The following SCHIP1 variants were observed in gnomAD, a reference collection of about 807,000 sequenced individuals.
SCHIP1 encodes the protein schwannomin interacting protein 1.
Under a neutral mutation model 29.7 loss-of-function variants are expected in SCHIP1, and 8 were observed. The ratio of observed to expected loss-of-function variants is 0.27; its 90% CI spans 0.16 to 0.49. SCHIP1 has a LOEUF of 0.49. SCHIP1 is among the 20% of genes least tolerant of loss of function. The probability of loss-of-function intolerance (pLI) is 0.99; values close to 1 mark genes in which losing one functional copy is unlikely to be tolerated. For synonymous variants in SCHIP1, 76 were observed against 94.9 expected (o/e 0.80, Z 1.16); for missense variants, 193 against 294.6 (o/e 0.66, Z 2.52).
chr3:159,888,293 C>T (rs1717154495), intron 4 of SCHIP1: 2 of 235,772 alleles, frequency 8.5e-6, no homozygotes, highest in East Asian at 1.1e-4. Flanking sequence ...AATAGGAGTC[C>T]TGGACTTTGG....
chr3:159,529,715 T>C, the SCHIP1 span, among the ~76,000 whole-genome samples: 1 of 152,240 alleles, frequency 6.6e-6, no homozygotes, highest in East Asian at 1.9e-4. Flanking sequence ...TTACTCCTTC[T>C]GACTGTATTT....
chr3:159,844,280 C>G (rs1298312531), intron 1 of SCHIP1, among the ~76,000 whole-genome samples: 1 of 152,168 alleles, frequency 6.6e-6, no homozygotes, highest in African/African-American at 2.4e-5. Flanking sequence ...AAGAGAGTTT[C>G]GCTGCTACCA....
At chr3:159,533,205 G>C in the SCHIP1 span, among the ~76,000 whole-genome samples, 2 of 152,142 alleles carry the variant, frequency 1.3e-5, no homozygotes. Context: ...GAGGAAGTCT[G>C]AGTTGAGACT....
the SCHIP1 span, among the ~76,000 whole-genome samples, chr3:159,717,774 G>A: frequency 1.3e-5 from 2 of 152,194 alleles, no homozygotes; most frequent in African/African-American, 2.4e-5. Flanking sequence ...GGACCAGATG[G>A]ATTCACAGCC....
At chr3:159,713,969 G>A in the SCHIP1 span, among the ~76,000 whole-genome samples, 2 of 152,220 alleles carry the variant, frequency 1.3e-5, no homozygotes, top group African/African-American at 4.8e-5. Flanking sequence ...AGGCACAGTG[G>A]CTCATGCCTG....
the SCHIP1 span, among the ~76,000 whole-genome samples, chr3:159,490,884 C>T: frequency 1.3e-5 from 2 of 152,184 alleles, no homozygotes; most frequent in Non-Finnish European, 1.5e-5. Context: ...TATGGCTCTA[C>T]ACCAAGAAGT....
At chr3:159,384,172 T>C in the SCHIP1 span, among the ~76,000 whole-genome samples, 1 of 149,426 alleles carries the variant, frequency 6.7e-6, no homozygotes, top group Admixed American at 6.7e-5. Context: ...AGAGAGGGCA[T>C]CCCTGTCTTG....
the SCHIP1 span, among the ~76,000 whole-genome samples, chr3:159,542,941 T>C: frequency 6.6e-6 from 1 of 152,034 alleles, no homozygotes; most frequent in Non-Finnish European, 1.5e-5. Flanking sequence ...GGGGATCTTT[T>C]CCAAATTCTT....
At chr3:159,864,508 CA>C (rs1714407784) in intron 1 of SCHIP1, among the ~76,000 whole-genome samples, 1 of 145,516 alleles carries the variant, frequency 6.9e-6, no homozygotes, top group Admixed American at 6.9e-5. Flanking sequence ...CACACACACA[CA>C]CACACATATG....
the SCHIP1 span, among the ~76,000 whole-genome samples, chr3:159,824,230 A>T: frequency 6.6e-6 from 1 of 152,200 alleles, no homozygotes. Flanking sequence ...AATTATTATT[A>T]TTCATGCCAA....
the SCHIP1 span, among the ~76,000 whole-genome samples, chr3:159,756,301 C>T: frequency 2.6e-5 from 4 of 152,228 alleles, no homozygotes. Flanking sequence ...GACATCTATG[C>T]ACTCACAGGC....
the SCHIP1 span, among the ~76,000 whole-genome samples, chr3:159,338,400 G>A: frequency 2.6e-5 from 4 of 152,140 alleles, no homozygotes; most frequent in Non-Finnish European, 4.4e-5. Flanking sequence ...GACCGTCTAC[G>A]TCATGAGTGA....
At chr3:159,388,752 G>T in the SCHIP1 span, among the ~76,000 whole-genome samples, 1 of 152,040 alleles carries the variant, frequency 6.6e-6, no homozygotes, top group Non-Finnish European at 1.5e-5. Context: ...GACTTCACAG[G>T]TTAACTCATA....
chr3:159,661,179 C>G, the SCHIP1 span, among the ~76,000 whole-genome samples: 1 of 152,136 alleles, frequency 6.6e-6, no homozygotes, highest in Admixed American at 6.5e-5. Context: ...ATCTAAGATT[C>G]CAGACTTTTA....
At chr3:159,274,455 C>T in the SCHIP1 span, 6 of 804,754 alleles carry the variant, frequency 7.5e-6, no homozygotes, top group Admixed American at 3.1e-4. Flanking sequence ...AAATAACAGA[C>T]AATTTTATAA....
At chr3:159,779,029 C>G in the SCHIP1 span, among the ~76,000 whole-genome samples, 1 of 152,168 alleles carries the variant, frequency 6.6e-6, no homozygotes, top group African/African-American at 2.4e-5. Flanking sequence ...TAGGAAACAA[C>G]TTTTCAGCTT....
chr3:159,641,368 G>A, the SCHIP1 span, among the ~76,000 whole-genome samples: 4 of 152,104 alleles, frequency 2.6e-5, no homozygotes, highest in African/African-American at 9.7e-5. Flanking sequence ...ACCTCTGTAT[G>A]AAATTTAATT....
At chr3:159,647,878 C>A in the SCHIP1 span, among the ~76,000 whole-genome samples, 1 of 152,138 alleles carries the variant, frequency 6.6e-6, no homozygotes, top group Non-Finnish European at 1.5e-5. Flanking sequence ...CTTTAAGAAG[C>A]TCCCTCCCAA....
At chr3:159,836,804 A>G (rs367766384), upstream of SCHIP1, among the ~76,000 whole-genome samples, 3 of 152,214 alleles carry the variant, frequency 2.0e-5, no homozygotes, top group East Asian at 5.8e-4. Flanking sequence ...AAGATAACAA[A>G]TGTTACTGCA....
Sources: gnomAD v4.1 joint callset for allele counts (sites outside exome capture counted in the v4.1 genomes callset) on GRCh38, gnomAD v4.1.1 for gene constraint, MANE v1.5 for transcripts, NCBI Gene and HGNC (gene_info 2026-07-23, HGNC 2026-07-21) for gene names.